USP32: variants seen among roughly 807,000 people sequenced by gnomAD.
USP32 encodes the protein ubiquitin carboxyl-terminal hydrolase 32.
A neutral mutation model predicts 204.8 loss-of-function variants in USP32; 59 were observed. That is an observed-to-expected ratio of 0.29 (90% CI 0.23 to 0.36). The LOEUF (loss-of-function observed/expected upper bound fraction) is 0.36, where lower values mean the gene tolerates loss of function less well. Ranked by LOEUF, USP32 falls within the 10% of genes least tolerant of loss-of-function variation. USP32 has a pLI of 1.00. For synonymous variants in USP32, 517 were observed against 678.4 expected, an observed-to-expected ratio of 0.76 and a Z score of 3.70; for missense variants, 1,160 against 1,946.4, an observed-to-expected ratio of 0.60 and a Z score of 7.60.
chr17:60,265,664 C>T (rs1272176230), intron 8 of USP32, among the ~76,000 whole-genome samples, 190 bp from the exon 9 acceptor site: 3 of 152,160 alleles, frequency 2.0e-5, no homozygotes, highest in African/African-American at 4.8e-5. Context: ...TCCCAAAGTG[C>T]GGAGATTCCA....
chr17:60,191,788 C>T (rs1393250069), intron 28 of USP32, among the ~76,000 whole-genome samples: 4 of 151,788 alleles, frequency 2.6e-5, no homozygotes, highest in Admixed American at 6.6e-5. Flanking sequence ...GGATTACACG[C>T]GTGAGCCACC....
In USP32 at chr17:60,183,169, C is replaced by T. The variant is rs147166981; in HGVS notation, c.4119G>A (p.Pro1373=). 23 of 1,607,360 alleles carry T rather than the reference C, an allele frequency of 1.4e-5. No individual in the cohort carries two copies. The East Asian group carries it at 1.8e-4, about 12-fold the overall frequency. ...SSLSANIISS[P]KGSPSSSRKS... ...CATAAGGCCCCCAGGCCTCACCTTT[C>T]GGGCTGCTGATGATGTTAGCGCTGA... The change falls in exon 31 of 34, where the codon CCG becomes CCA. Residue 1373 remains proline, a synonymous_variant. Transcript: ENST00000300896.
At chr17:60,314,244 C>A (rs1479327887) in intron 2 of USP32, among the ~76,000 whole-genome samples, 1 of 138,122 alleles carries the variant, frequency 7.2e-6, no homozygotes, top group Non-Finnish European at 1.5e-5. Flanking sequence ...CGGGCTCAAG[C>A]AATCGTCCCA....
At chr17:60,219,427 T>C in intron 16 of USP32, 1 of 394,916 alleles carries the variant, frequency 2.5e-6, no homozygotes, top group Non-Finnish European at 4.4e-6. Flanking sequence ...GAATGTTTGC[T>C]TCAACCCCTC....
intron 4 of USP32, among the ~76,000 whole-genome samples, chr17:60,291,310 A>C (rs1014663457): frequency 2.6e-5 from 4 of 152,232 alleles, no homozygotes; most frequent in African/African-American, 9.6e-5. Flanking sequence ...ATCTCTTCTA[A>C]AAAGAGAAGA....
At chr17:60,222,182 T>C (rs2085270104) in intron 15 of USP32, among the ~76,000 whole-genome samples, 1 of 152,216 alleles carries the variant, frequency 6.6e-6, no homozygotes, top group African/African-American at 2.4e-5. Context: ...TGATGTCTAC[T>C]TTTATGTGGA....
At chr17:60,422,013 TACCCAGC>T (rs111330712) in intron 1 of USP32, 11 of 908,258 alleles carry the variant, frequency 1.2e-5, no homozygotes, top group Middle Eastern at 5.8e-4. Flanking sequence ...TCCCACCCAG[TACCCAGC>T]ACCCAGCACC....
chr17:60,336,418 CA>C (rs2088517158), intron 2 of USP32, among the ~76,000 whole-genome samples: 1 of 143,016 alleles, frequency 7.0e-6, no homozygotes, highest in Non-Finnish European at 1.5e-5. Context: ...TCCTGTCTTA[CA>C]AAAAGAAATG....
chr17:60,229,254 G>C (rs149621084), intron 12 of USP32, among the ~76,000 whole-genome samples: 3 of 152,180 alleles, frequency 2.0e-5, no homozygotes, highest in Non-Finnish European at 2.9e-5. Context: ...TACCCAGACT[G>C]GTCTCAAACT....
chr17:60,203,171 C>T (rs1056888173), intron 26 of USP32, among the ~76,000 whole-genome samples: 5 of 149,606 alleles, frequency 3.3e-5, no homozygotes, highest in South Asian at 2.1e-4. Flanking sequence ...TTTGGGAGGC[C>T]GAGGCAGGCA....
chr17:60,395,960 C>T (rs186117524), upstream of USP32, among the ~76,000 whole-genome samples: 545 of 149,822 alleles, frequency 3.6e-3, 2 homozygotes, highest in Middle Eastern at 0.01. Flanking sequence ...GACACCAACA[C>T]ATTAAGAGAA....
At chr17:60,242,875 T>C (rs1276824349) in intron 11 of USP32, among the ~76,000 whole-genome samples, 3 of 152,236 alleles carry the variant, frequency 2.0e-5, no homozygotes. Flanking sequence ...TTCTCTGCAT[T>C]TCCCTATACA....
chr17:60,214,333 G>T (rs897208496), intron 17 of USP32, among the ~76,000 whole-genome samples: 1 of 152,062 alleles, frequency 6.6e-6, no homozygotes, highest in Admixed American at 6.5e-5. Flanking sequence ...TGTCCATGGT[G>T]ATCAATTGCT....
At position 60,316,225 on chromosome 17, in the gene USP32, G is replaced by A. The variant is rs550037348; in HGVS notation, c.187-14521C>T. On this transcript the variant is annotated intron_variant, in intron 2 of 33. Transcript: ENST00000300896. The stretch of plus-strand genomic sequence containing the variant: ...ATATGGAGCACATGCTTAAGAATAT[G>A]CTATGATGAGTAACATTTCATTCTC... 7.4e-4 allele frequency: 139 copies of A among 186,646 alleles called. 2 individuals carry two copies. In the South Asian group the frequency reaches 0.014, roughly 19 times the overall value. The allele number at this position is 186,646 out of a possible 1,614,324, so 11.6% of individuals were successfully genotyped here. A position where few individuals can be genotyped will look rare whatever the true frequency, so the allele number is the denominator to read the frequency against.
intron 1 of USP32, among the ~76,000 whole-genome samples, chr17:60,377,264 A>G (rs563788724): frequency 6.6e-6 from 1 of 152,350 alleles, no homozygotes; most frequent in East Asian, 1.9e-4. Context: ...GTTTGAGACC[A>G]GCCTGGGCAA....
At chr17:60,228,014 C>T (rs1273318340) in intron 12 of USP32, among the ~76,000 whole-genome samples, 1 of 151,284 alleles carries the variant, frequency 6.6e-6, no homozygotes, top group South Asian at 2.1e-4. Context: ...GATGGTTCAC[C>T]AAAGTAGTCA....
chr17:60,421,441 G>A lies in USP32; in HGVS notation c.106+805C>T, dbSNP rs955521514. ...GGTGGCAGGGGAGGCCCGGGCCGAC[G>A]GCGGTCCCACCGCACTGTCGCGAAG... On this transcript the variant is annotated intron_variant, in intron 1 of 3. Transcript: ENST00000588898. 1.5e-5 allele frequency: 15 copies of A among 985,528 alleles called. No individual in the cohort carries two copies. The African/African-American group carries it at 2.3e-4, about 15-fold the overall frequency. The allele number at this position is 985,528 out of a possible 1,614,324, so 61.0% of individuals were successfully genotyped here.
chr17:60,220,059 A>T (rs1456502729), intron 15 of USP32, among the ~76,000 whole-genome samples: 1 of 151,800 alleles, frequency 6.6e-6, no homozygotes, highest in African/African-American at 2.4e-5. Flanking sequence ...GAAAAAAAAA[A>T]ACCCTAAGTA....
At chr17:60,192,119 C>G (rs1340327270) in intron 28 of USP32, among the ~76,000 whole-genome samples, 1 of 151,842 alleles carries the variant, frequency 6.6e-6, no homozygotes, top group Non-Finnish European at 1.5e-5. Flanking sequence ...GGCAAAACCC[C>G]ATTTCTACTA....
Sources: gnomAD v4.1 joint callset for allele counts (sites outside exome capture counted in the v4.1 genomes callset) on GRCh38, gnomAD v4.1.1 for gene constraint, MANE v1.5 for transcripts, NCBI Gene and HGNC (gene_info 2026-07-23, HGNC 2026-07-21) for gene names.